KCNH1: variants seen among roughly 807,000 people sequenced by gnomAD.
KCNH1 encodes voltage-gated delayed rectifier potassium channel KCNH1.
A neutral mutation model predicts 69.2 loss-of-function variants in KCNH1; 27 were observed. The observed-to-expected ratio is 0.39, with a 90% confidence interval of 0.29 to 0.54. The LOEUF (loss-of-function observed/expected upper bound fraction) is 0.54. Ranked by LOEUF, KCNH1 falls within the 20% of genes least tolerant of loss-of-function variation. The pLI is 0.68. For missense variants in KCNH1, 798 were observed against 1,261.6 expected (o/e 0.63, Z 5.57); for synonymous variants, 456 against 487.7 (o/e 0.93, Z 0.86).
At chr1:211,008,503 T>C (rs2102406049) in intron 6 of KCNH1, among the ~76,000 whole-genome samples, 1 of 151,940 alleles carries the variant, frequency 6.6e-6, no homozygotes, top group East Asian at 1.9e-4. Flanking sequence ...GTGAGCAAGC[T>C]ACTGACACAC....
chr1:210,968,595 G>T (rs1178715081), intron 6 of KCNH1, among the ~76,000 whole-genome samples: 2 of 151,266 alleles, frequency 1.3e-5, no homozygotes, highest in Non-Finnish European at 1.5e-5. Context: ...TTGTGGTTTT[G>T]ATTTGCATTT....
At chr1:210,827,381 C>A (rs11119612) in intron 7 of KCNH1, among the ~76,000 whole-genome samples, 19 of 151,772 alleles carry the variant, frequency 1.3e-4, no homozygotes, top group East Asian at 1.9e-4. Context: ...TTTTAAAATC[C>A]CTTTATGACT....
At chr1:210,975,919 C>T (rs1166127389) in intron 6 of KCNH1, among the ~76,000 whole-genome samples, 1 of 152,178 alleles carries the variant, frequency 6.6e-6, no homozygotes, top group Admixed American at 6.6e-5. Context: ...AAACAAACAA[C>T]CCCATCAAAA....
At chr1:210,958,196 T>A (rs947628445) in intron 6 of KCNH1, among the ~76,000 whole-genome samples, 1 of 152,182 alleles carries the variant, frequency 6.6e-6, no homozygotes, top group Non-Finnish European at 1.5e-5. Context: ...GGATATGAAA[T>A]TCTGGGTTGA....
intron 5 of KCNH1, among the ~76,000 whole-genome samples, chr1:211,080,976 T>C (rs2102465728): frequency 6.6e-6 from 1 of 152,200 alleles, no homozygotes; most frequent in East Asian, 1.9e-4. Context: ...TGAGATTTAA[T>C]TAAACTAAAG....
chr1:210,997,301 G>A (rs1472439511), intron 6 of KCNH1, among the ~76,000 whole-genome samples: 3 of 152,140 alleles, frequency 2.0e-5, no homozygotes, highest in South Asian at 2.1e-4. Context: ...AATAACCAAC[G>A]CAGAGAAGTC....
chr1:210,959,057 C>T (rs991359620), intron 6 of KCNH1, among the ~76,000 whole-genome samples: 1 of 152,186 alleles, frequency 6.6e-6, no homozygotes, highest in African/African-American at 2.4e-5. Flanking sequence ...TTTTTATCTA[C>T]CTTTGGTCTC....
intron 7 of KCNH1, among the ~76,000 whole-genome samples, chr1:210,842,243 T>G (rs1685427755): frequency 6.6e-6 from 1 of 152,182 alleles, no homozygotes; most frequent in Non-Finnish European, 1.5e-5. Flanking sequence ...GTCTTAGTTA[T>G]TTTAATAAGA....
At chr1:210,733,813 G>T (rs1682802522) in intron 10 of KCNH1, among the ~76,000 whole-genome samples, 1 of 152,176 alleles carries the variant, frequency 6.6e-6, no homozygotes, top group Non-Finnish European at 1.5e-5. Flanking sequence ...GAAGGACACA[G>T]AAGGACAAGG....
chr1:210,949,647 A>G (rs1163529322), intron 6 of KCNH1, among the ~76,000 whole-genome samples: 1 of 152,216 alleles, frequency 6.6e-6, no homozygotes, highest in African/African-American at 2.4e-5. Context: ...TCATAAATGC[A>G]ATGAATCGGT....
At chr1:210,876,897 G>A (rs1686387613) in intron 7 of KCNH1, among the ~76,000 whole-genome samples, 1 of 152,020 alleles carries the variant, frequency 6.6e-6, no homozygotes, top group African/African-American at 2.4e-5. Flanking sequence ...TGCCTCCAGA[G>A]GATTACAGTA....
At position 210,919,201 on chromosome 1, in the gene KCNH1, T is replaced by C. The variant is rs1687409329; in HGVS notation, c.1462+439A>G. ...TTCACTATATCAAAATCTCATTTCATACTTTAAATATATACAATTTTTATT... is the reference window on the plus strand; with the variant it reads ...TTCACTATATCAAAATCTCATTTCACACTTTAAATATATACAATTTTTATT... On this transcript the variant is annotated intron_variant, in intron 7 of 10. Coordinates refer to ENST00000271751, the MANE Select transcript of KCNH1 (RefSeq NM_172362.3). This position sits in a 1 kb window ranked among gnomAD's most constrained non-coding sequence, Gnocchi z 4.2. 6.4e-6 allele frequency: 1 copy of C among 155,766 alleles called. No homozygotes were observed. The highest frequency in any genetic ancestry group is 2.4e-5 in the African/African-American group (1 of 41,478). 9.6% of individuals were successfully genotyped at this position (155,766 alleles called of 1,614,324 possible).
intron 7 of KCNH1, among the ~76,000 whole-genome samples, chr1:210,878,887 G>A (rs371813792): frequency 6.6e-6 from 1 of 151,878 alleles, no homozygotes; most frequent in South Asian, 2.1e-4. Context: ...CTTCTATCCA[G>A]GCTAATTCTA....
chr1:211,041,273 C>A (rs1689990303), intron 5 of KCNH1, among the ~76,000 whole-genome samples: 1 of 152,202 alleles, frequency 6.6e-6, no homozygotes. Context: ...TTCATCCTCT[C>A]AGCAGCATGC....
chr1:211,071,929 A>T (rs1228011836), intron 5 of KCNH1, among the ~76,000 whole-genome samples: 2 of 151,418 alleles, frequency 1.3e-5, no homozygotes, highest in South Asian at 4.2e-4. Context: ...AGTTGGGAGG[A>T]AAAAAAAACC....
intron 5 of KCNH1, among the ~76,000 whole-genome samples, chr1:211,021,264 T>C (rs879146907): frequency 6.6e-6 from 1 of 151,992 alleles, no homozygotes; most frequent in Non-Finnish European, 1.5e-5. Context: ...AAAGAACTTA[T>C]TCATATAACC....
chr1:210,934,414 T>C (rs10779546), intron 6 of KCNH1, among the ~76,000 whole-genome samples: 136 of 152,216 alleles, frequency 8.9e-4, no homozygotes, highest in African/African-American at 3.2e-3. Flanking sequence ...CAGCACTTTG[T>C]GGGGCCAAGG....
chr1:210,696,272 T>C (rs1397512045), intron 10 of KCNH1, among the ~76,000 whole-genome samples: 1 of 152,120 alleles, frequency 6.6e-6, no homozygotes, highest in Non-Finnish European at 1.5e-5. Flanking sequence ...GGGCCCCTCC[T>C]CCAGCCTCCT....
At chr1:210,745,901 G>C (rs553522538) in intron 10 of KCNH1, among the ~76,000 whole-genome samples, 33 of 152,124 alleles carry the variant, frequency 2.2e-4, no homozygotes, top group African/African-American at 8.0e-4. Flanking sequence ...GAGTAACAGG[G>C]AGAAAGGTCA....
Sources: allele counts gnomAD v4.1 joint callset (sites outside exome capture counted in the v4.1 genomes callset), GRCh38; gene constraint gnomAD v4.1.1; non-coding constraint Gnocchi (gnomAD v3.1); transcripts MANE v1.5; gene names NCBI Gene and HGNC (gene_info 2026-07-23, HGNC 2026-07-21).